The following NEK1 variants were observed in gnomAD, a reference collection of about 807,000 sequenced individuals.
NEK1 encodes NIMA related kinase 1, also known as serine/threonine-protein kinase Nek1.
A neutral mutation model predicts 182.1 loss-of-function variants in NEK1; 137 were observed. That is an observed-to-expected ratio of 0.75 (90% CI 0.65 to 0.87). The LOEUF (loss-of-function observed/expected upper bound fraction) is 0.87. NEK1 is among the 40% of genes least tolerant of loss of function. NEK1 has a pLI of 0.00. For missense variants in NEK1, 1,391 were observed against 1,494.4 expected, an observed-to-expected ratio of 0.93 and a Z score of 1.14; for synonymous variants, 513 against 492.2, an observed-to-expected ratio of 1.04 and a Z score of -0.56.
chr4:169,495,079 A>G (rs1445165794), intron 23 of NEK1, among the ~76,000 whole-genome samples: 3 of 151,952 alleles, frequency 2.0e-5, no homozygotes, highest in Non-Finnish European at 2.9e-5. Flanking sequence ...TGCTGTGCAG[A>G]AGCTCTTTAT....
At chr4:169,499,103 T>C (rs1363269666) in intron 23 of NEK1, among the ~76,000 whole-genome samples, 3 of 152,178 alleles carry the variant, frequency 2.0e-5, no homozygotes. Flanking sequence ...TTTGTTTGTT[T>C]CTTTTTATTC....
intron 31 of NEK1, among the ~76,000 whole-genome samples, chr4:169,414,197 T>C (rs180730304): frequency 2.6e-5 from 4 of 152,318 alleles, no homozygotes; most frequent in Admixed American, 1.3e-4. Flanking sequence ...TTAATAATTG[T>C]GAACAATGCA....
intron 2 of NEK1, among the ~76,000 whole-genome samples, chr4:169,606,254 C>A (rs1249245206): frequency 6.8e-6 from 1 of 147,706 alleles, no homozygotes; most frequent in Non-Finnish European, 1.5e-5. Context: ...TACAGTTAAG[C>A]ATACTAGATT....
chr4:169,421,026 T>C (rs1735401329), intron 31 of NEK1, among the ~76,000 whole-genome samples: 5 of 152,172 alleles, frequency 3.3e-5, no homozygotes, highest in African/African-American at 1.2e-4. Flanking sequence ...ATATATACCA[T>C]ATAAAGATTA....
At chr4:169,499,374 G>A (rs1440353942) in intron 23 of NEK1, among the ~76,000 whole-genome samples, 1 of 152,052 alleles carries the variant, frequency 6.6e-6, no homozygotes, top group Non-Finnish European at 1.5e-5. Context: ...GGTGTAGTTT[G>A]ATCATCTGAA....
intron 19 of NEK1, among the ~76,000 whole-genome samples, chr4:169,533,851 A>G (rs889172501): frequency 1.3e-5 from 2 of 152,256 alleles, no homozygotes; most frequent in African/African-American, 2.4e-5. Context: ...TTAATTTCAA[A>G]TGTCCCTAGA....
intron 28 of NEK1, among the ~76,000 whole-genome samples, chr4:169,435,339 C>G (rs1334264854): frequency 6.6e-6 from 1 of 152,190 alleles, no homozygotes; most frequent in Admixed American, 6.5e-5. Flanking sequence ...GACTCCACTT[C>G]CAATACCATT....
intron 12 of NEK1, among the ~76,000 whole-genome samples, chr4:169,563,973 AT>A (rs1288807354): frequency 2.6e-5 from 4 of 151,988 alleles, no homozygotes; most frequent in African/African-American, 9.7e-5. Flanking sequence ...AAAATGCCTG[AT>A]TTTCCCCTTT....
At chr4:169,561,642 T>C (rs942719006) in intron 15 of NEK1, 45 bp downstream of exon 15, 32 of 1,578,758 alleles carry the variant, frequency 2.0e-5, no homozygotes, top group Non-Finnish European at 2.4e-5. Flanking sequence ...TGAAAATCAG[T>C]GTATTCCTTA....
intron 23 of NEK1, among the ~76,000 whole-genome samples, chr4:169,482,245 T>C (rs1371179348): frequency 6.6e-6 from 1 of 152,176 alleles, no homozygotes; most frequent in African/African-American, 2.4e-5. Flanking sequence ...TCTAGACCAC[T>C]AAAGCTTTCT....
chr4:169,532,809 G>A (rs145392263), intron 19 of NEK1, among the ~76,000 whole-genome samples: 85 of 151,848 alleles, frequency 5.6e-4, no homozygotes, highest in African/African-American at 1.9e-3. Context: ...AAAATTAGCC[G>A]GGCATGATGG....
chr4:169,445,644 GA>G (rs1467204580), intron 27 of NEK1, among the ~76,000 whole-genome samples: 2 of 151,378 alleles, frequency 1.3e-5, no homozygotes, highest in Non-Finnish European at 2.9e-5. Context: ...ACACAAAGGT[GA>G]AAATAATAAG....
intron 23 of NEK1, among the ~76,000 whole-genome samples, chr4:169,487,247 A>C (rs1276901177): frequency 6.6e-6 from 1 of 152,126 alleles, no homozygotes; most frequent in Non-Finnish European, 1.5e-5. Context: ...GGTTTGCTGC[A>C]CAGATCAACT....
intron 26 of NEK1, among the ~76,000 whole-genome samples, chr4:169,476,252 A>G (rs1180717542): frequency 6.6e-6 from 1 of 151,970 alleles, no homozygotes; most frequent in African/African-American, 2.4e-5. Flanking sequence ...AGGTGACTGG[A>G]TCATGGGGGC....
At chr4:169,458,827 CAAAA>C (rs201340623) in intron 27 of NEK1, among the ~76,000 whole-genome samples, 4 of 90,360 alleles carry the variant, frequency 4.4e-5, no homozygotes, top group East Asian at 3.5e-4. Flanking sequence ...GACCCCATCT[CAAAA>C]AAAAAAAAAA....
intron 5 of NEK1, among the ~76,000 whole-genome samples, chr4:169,597,891 G>A (rs770560139): frequency 2.0e-5 from 3 of 151,970 alleles, no homozygotes; most frequent in Non-Finnish European, 4.4e-5. Context: ...TCGAGATTGT[G>A]CCACTCCACT....
Position 169,465,932 on chromosome 4 carries a change from C to T in NEK1, c.2435-2537G>A, listed in dbSNP as rs1177521535. Among the ~76,000 whole-genome samples the T allele has an allele frequency of 2.0e-5, 3 of 151,938 alleles. No homozygotes were observed. In the South Asian group the frequency reaches 6.2e-4, roughly 32 times the overall value. ...AATACATAGCACAAATATTAAAATT[C>T]ACAACATTTGGACACCCCCAAAAAA... On this transcript the variant is annotated intron_variant, in intron 26 of 35. Transcript: ENST00000507142.
chr4:169,602,840 G>A (rs962484556), intron 2 of NEK1, among the ~76,000 whole-genome samples, 162 bp from the exon 3 acceptor site: 1 of 151,852 alleles, frequency 6.6e-6, no homozygotes, highest in Admixed American at 6.6e-5. Context: ...TACTTTACTA[G>A]TACAACCTAA....
At chr4:169,610,780 CTA>C (rs1772192188) in intron 2 of NEK1, among the ~76,000 whole-genome samples, 1 of 152,218 alleles carries the variant, frequency 6.6e-6, no homozygotes, top group Non-Finnish European at 1.5e-5. Context: ...TTCAGATATT[CTA>C]TAGACAGGCT....
Sources: gnomAD v4.1 joint callset for allele counts (sites outside exome capture counted in the v4.1 genomes callset) on GRCh38, gnomAD v4.1.1 for gene constraint, MANE v1.5 for transcripts, NCBI Gene and HGNC (gene_info 2026-07-23, HGNC 2026-07-21) for gene names.